Variants in CTDP1 observed in about 807,000 individuals in gnomAD.
The protein encoded by CTDP1 is RNA polymerase II subunit A C-terminal domain phosphatase.
In CTDP1, 47 loss-of-function variants were observed where a neutral mutation model predicts 91.8. That is an observed-to-expected ratio of 0.51 (90% CI 0.41 to 0.65). The LOEUF is 0.65. Among genes scored for constraint, CTDP1 ranks in the 30% least tolerant of loss-of-function variants. The pLI is 0.00. For missense variants in CTDP1, 1,272 were observed against 1,373.7 expected (o/e 0.93, Z 1.17); for synonymous variants, 656 against 598.5 (o/e 1.10, Z -1.40).
In CTDP1 at chr18:79,717,989, C is replaced by T; in HGVS notation, c.2390C>T (p.Pro797Leu). 1.2e-6 allele frequency: 2 copies of T among 1,613,454 alleles called. No individual in the cohort carries two copies. The highest frequency in any genetic ancestry group is 2.2e-5 in the South Asian group (2 of 91,082). The change falls in exon 10 of 13, where the codon CCC (proline) becomes CTC (leucine). Residue 797 changes from proline (P) to leucine (L), a missense_variant. Pro to Leu is a moderately conservative substitution (Grantham distance 98, BLOSUM62 -3). Coordinates refer to ENST00000613122, the MANE Select transcript of CTDP1 (RefSeq NM_004715.5). ...RGPPAPSSSL[P>L]IRQEPSSFRA... ...CCCCCAGCACCCTCCAGCTCCCTAC[C>T]CATCCGCCAGGAGCCCTCTTCCTTC...
At chr18:79,722,627 C>G (rs1259256328) in intron 10 of CTDP1, among the ~76,000 whole-genome samples, 1 of 152,166 alleles carries the variant, frequency 6.6e-6, no homozygotes, top group Non-Finnish European at 1.5e-5. Flanking sequence ...ATCTTTGTCA[C>G]GTTAAGGAAA....
At chr18:79,717,088 G>A (rs1272873078) in intron 8 of CTDP1, among the ~76,000 whole-genome samples, 1 of 150,432 alleles carries the variant, frequency 6.6e-6, no homozygotes, top group Non-Finnish European at 1.5e-5. Flanking sequence ...CTGAGCCCTG[G>A]TGGGCTGCAG....
intron 12 of CTDP1, among the ~76,000 whole-genome samples, chr18:79,737,076 G>A (rs1264398832): frequency 1.3e-5 from 2 of 152,246 alleles, no homozygotes; most frequent in African/African-American, 4.8e-5. Flanking sequence ...TCCAGCGTGC[G>A]GTCTGTGGGT....
intron 11 of CTDP1, among the ~76,000 whole-genome samples, chr18:79,734,530 GC>G (rs2086628703): frequency 1.3e-5 from 2 of 151,050 alleles, no homozygotes; most frequent in South Asian, 4.2e-4. Flanking sequence ...GTGCCGGGCT[GC>G]CCTGCCTCAC....
intron 1 of CTDP1, among the ~76,000 whole-genome samples, chr18:79,687,717 G>T (rs949385103): frequency 1.3e-5 from 2 of 151,882 alleles, no homozygotes; most frequent in Non-Finnish European, 2.9e-5. Context: ...GGCATGCACC[G>T]GAGCAGTTGG....
chr18:79,738,189 G>C (rs1014398877), intron 12 of CTDP1, among the ~76,000 whole-genome samples: 1 of 152,228 alleles, frequency 6.6e-6, no homozygotes, highest in Admixed American at 6.5e-5. Flanking sequence ...CCAGGTGGCA[G>C]CATCTCCTTG....
At chr18:79,693,394 T>C (rs983826959) in intron 1 of CTDP1, among the ~76,000 whole-genome samples, 4 of 152,150 alleles carry the variant, frequency 2.6e-5, no homozygotes, top group Non-Finnish European at 4.4e-5. Flanking sequence ...CCTTAGAAAG[T>C]TTAACACACT....
downstream of CTDP1, chr18:79,755,590 C>T (rs1435165194): frequency 2.6e-5 from 4 of 152,380 alleles, no homozygotes; most frequent in Non-Finnish European, 5.9e-5. Context: ...TGTGTGGAGA[C>T]CTCTGGGAAA....
intron 1 of CTDP1, among the ~76,000 whole-genome samples, chr18:79,687,535 A>G (rs1450332934): frequency 6.8e-6 from 1 of 147,278 alleles, no homozygotes; most frequent in African/African-American, 2.5e-5. Flanking sequence ...TGGCTTCTCC[A>G]GTTCACTGGT....
rs1445638262 is a variant in CTDP1 at position 79,714,863 on chromosome 18, A to C, written c.1403A>C (p.Lys468Thr). Residue 468 changes from lysine to threonine, a missense_variant, in exon 8 of 13, where the codon AAG (lysine) becomes ACG (threonine). This residue lies in a region of CTDP1 where 881 missense variants were observed against 911.6 expected (regional missense o/e 0.97). Transcript: ENST00000613122. ...AGCAGCAGTGAGTCCGAGGGCACGA[A>C]GTCCTCCTCCTCCGCCTCTGATGGC... Reference protein sequence around the residue: ...SESSSESEGTKSSSSASDGES... With the variant: ...SESSSESEGTTSSSSASDGES... 4.4e-6 allele frequency: 7 copies of C among 1,586,704 alleles called. No homozygotes were observed. The highest frequency in any genetic ancestry group is 6.0e-6 in the Non-Finnish European group (7 of 1,167,558).
chr18:79,720,903 T>G (rs1290032151), intron 10 of CTDP1, among the ~76,000 whole-genome samples: 1 of 152,148 alleles, frequency 6.6e-6, no homozygotes, highest in African/African-American at 2.4e-5. Context: ...ACACACAGAC[T>G]TGTGCAGTTT....
intron 1 of CTDP1, among the ~76,000 whole-genome samples, chr18:79,680,571 T>C (rs562348442): frequency 5.9e-4 from 90 of 152,364 alleles, no homozygotes; most frequent in African/African-American, 1.9e-3. Context: ...TCCACCTTTG[T>C]GACTTAGGAA....
rs954335237 is a variant in CTDP1, at chr18:79,736,594, C to G, written c.2747+73C>G. On this transcript the variant is annotated intron_variant, in intron 12 of 12. Coordinates refer to ENST00000613122, the MANE Select transcript of CTDP1 (RefSeq NM_004715.5). Reference sequence around the variant, plus strand: ...GGTGACTCTGCAGTTGGTGGGCCGCCTACCTGCATCTCATTCTTCACGCCC... The same window carrying G: ...GGTGACTCTGCAGTTGGTGGGCCGCGTACCTGCATCTCATTCTTCACGCCC... The G allele has an allele frequency of 2.2e-6, 3 of 1,370,212 alleles. No homozygotes were observed. In the African/African-American group the frequency reaches 4.4e-5, roughly 20 times the overall value. 84.9% of individuals were successfully genotyped at this position (1,370,212 alleles called of 1,614,324 possible). A position where few individuals can be genotyped will look rare whatever the true frequency, so the allele number is the denominator to read the frequency against.
chr18:79,736,276 G>A, intron 11 of CTDP1, 79 bp from the exon 12 acceptor site: 1 of 1,537,772 alleles, frequency 6.5e-7, no homozygotes, highest in South Asian at 1.2e-5. Context: ...CAGAGCCCTG[G>A]ACTCTGCCGG....
rs1191570624 is a variant in CTDP1, at chr18:79,704,754, C to G, written c.622-13C>G. On this transcript the variant is annotated splice_polypyrimidine_tract_variant and intron_variant, in intron 4 of 12. Transcript: ENST00000613122. ...AGGCCTTTTCTCCCGACTGTTGCTACTATTCTTTTTAGGGCATCTTTCACT... is the reference window on the plus strand; with the variant it reads ...AGGCCTTTTCTCCCGACTGTTGCTAGTATTCTTTTTAGGGCATCTTTCACT... The G allele has an allele frequency of 6.8e-6, 11 of 1,613,206 alleles. No homozygotes were observed. Among genetic ancestry groups the G allele is most frequent in the African/African-American group, 4.0e-5 (3 of 74,948 alleles).
At chr18:79,681,355 T>G (rs618342) in intron 1 of CTDP1, 404,356 of 682,128 alleles carry the variant, frequency 0.59, 120,454 homozygotes, top group South Asian at 0.7. Flanking sequence ...GAAAATGCCT[T>G]CACGGCTTCC....
At chr18:79,718,995 C>CATCCCGTGCA (rs764413031) in intron 10 of CTDP1, among the ~76,000 whole-genome samples, 293 of 152,284 alleles carry the variant, frequency 1.9e-3, no homozygotes, top group Non-Finnish European at 3.4e-3. Flanking sequence ...GATGCTGAGG[C>CATCCCGTGCA]CTGGAGTGCA....
At position 79,714,640 on chromosome 18, in the gene CTDP1, G is replaced by T; in HGVS notation, c.1180G>T (p.Asp394Tyr). ...LNGSEAATPR[D>Y]SPRPGKPDER... ...CGGCAGCGAGGCCGCCACCCCGCGG[G>T]ACTCACCCCGCCCCGGGAAGCCAGA... Residue 394 changes from aspartate (D) to tyrosine (Y), a missense_variant, in exon 8 of 13, where the codon GAC (aspartate) becomes TAC (tyrosine). By Grantham distance (160) the Asp-to-Tyr change is radical. Coordinates refer to ENST00000613122, the MANE Select transcript of CTDP1 (RefSeq NM_004715.5). The T allele has an allele frequency of 6.2e-7, 1 of 1,612,266 alleles. No homozygotes were observed. Among genetic ancestry groups the T allele is most frequent in the South Asian group, 1.1e-5 (1 of 91,040 alleles).
At chr18:79,687,252 G>T (rs542733643) in intron 1 of CTDP1, among the ~76,000 whole-genome samples, 2 of 117,682 alleles carry the variant, frequency 1.7e-5, no homozygotes, top group African/African-American at 3.4e-5. Context: ...AGTTGGCTTC[G>T]TCAGTTCACT....
Sources: allele counts gnomAD v4.1 joint callset (sites outside exome capture counted in the v4.1 genomes callset), GRCh38; gene constraint gnomAD v4.1.1; regional missense constraint gnomAD v4.1.1; transcripts MANE v1.5; gene names NCBI Gene and HGNC (gene_info 2026-07-23, HGNC 2026-07-21).